TRAF3IP3: variants seen among roughly 807,000 people sequenced by gnomAD.
TRAF3IP3 encodes TRAF3-interacting JNK-activating modulator.
TRAF3IP3 carries 64 observed loss-of-function variants against 86.5 expected under a neutral mutation model. The ratio of observed to expected loss-of-function variants is 0.74; its 90% CI spans 0.60 to 0.91. TRAF3IP3 has a LOEUF of 0.91. Ranked by LOEUF, TRAF3IP3 falls within the 40% of genes least tolerant of loss-of-function variation. TRAF3IP3 has a pLI of 0.00. For missense variants in TRAF3IP3, 579 were observed against 642.9 expected (o/e 0.90, Z 1.07); for synonymous variants, 220 against 243.9 (o/e 0.90, Z 0.91).
chr1:209,776,668 T>TA (rs1392375605), intron 11 of TRAF3IP3: 2 of 149,734 alleles, frequency 1.3e-5, no homozygotes, highest in Admixed American at 6.7e-5. Context: ...AAAAAACTGA[T>TA]ACTGCCAGAA....
chr1:209,770,106 C>G (rs985569059), intron 8 of TRAF3IP3, among the ~76,000 whole-genome samples: 4 of 152,172 alleles, frequency 2.6e-5, no homozygotes, highest in African/African-American at 9.7e-5. Context: ...GCCTTGCTCC[C>G]CTCTCGCCCT....
chr1:209,772,759 G>A (rs1187569084), intron 8 of TRAF3IP3, among the ~76,000 whole-genome samples, 189 bp from the exon 9 acceptor site: 2 of 152,190 alleles, frequency 1.3e-5, no homozygotes, highest in Admixed American at 1.3e-4. Flanking sequence ...TCTTGTCCTA[G>A]TCCAGAGAAA....
intron 8 of TRAF3IP3, chr1:209,768,473 T>C: frequency 5.1e-6 from 5 of 985,554 alleles, no homozygotes; most frequent in Non-Finnish European, 6.0e-6. Flanking sequence ...ATCTGCGTCC[T>C]GGAATTAAGA....
intron 3 of TRAF3IP3, among the ~76,000 whole-genome samples, chr1:209,761,005 A>G (rs1158984007): frequency 6.6e-6 from 1 of 152,226 alleles, no homozygotes; most frequent in Non-Finnish European, 1.5e-5. Flanking sequence ...AATTTAGGCA[A>G]TATACACATG....
In TRAF3IP3 at chr1:209,773,126, A is replaced by C. The variant is rs2077581044; in HGVS notation, c.774+107A>C. The C allele has an allele frequency of 3.3e-5, 32 of 955,894 alleles. 1 individual carries two copies. The South Asian group carries it at 5.3e-4, about 16-fold the overall frequency. 59.2% of individuals were successfully genotyped at this position (955,894 alleles called of 1,614,324 possible). On this transcript the variant is annotated intron_variant, in intron 9 of 16. Coordinates refer to ENST00000367025, the MANE Select transcript of TRAF3IP3 (RefSeq NM_025228.4). ...GAGAAACACCACCAGATAGAGAATA[A>C]CACACCCATTCCTACTTACCCATTT...
chr1:209,757,224 G>GC (rs1292409028), intron 1 of TRAF3IP3, among the ~76,000 whole-genome samples: 5 of 152,226 alleles, frequency 3.3e-5, no homozygotes, highest in Non-Finnish European at 7.3e-5. Flanking sequence ...CTCCATGTCT[G>GC]CCCCAAGGAA....
rs2077224364 is a variant in TRAF3IP3 at position 209,760,328 on chromosome 1, A to G, written c.289A>G (p.Thr97Ala). ...QGPSRRPGQVTVLKEPLSCAR... is the reference protein window; with the variant it reads ...QGPSRRPGQVAVLKEPLSCAR... ...GCCCTCCAGGCGGCCAGGACAGGTG[A>G]CTGTCCTCAAGGAACCCTTGTCTTG... is the stretch of plus-strand genomic sequence containing the variant. Residue 97 changes from threonine (T) to alanine (A), a missense_variant, in exon 3 of 17, where the codon ACT becomes GCT. Transcript: ENST00000367025. The G allele has an allele frequency of 1.9e-6, 3 of 1,613,490 alleles. No homozygotes were observed. Among genetic ancestry groups the G allele is most frequent in the Non-Finnish European group, 1.7e-6 (2 of 1,179,794 alleles).
intron 9 of TRAF3IP3, 161 bp from the exon 10 acceptor site, chr1:209,775,188 G>A (rs1180686505): frequency 1.5e-6 from 1 of 678,972 alleles, no homozygotes; most frequent in African/African-American, 1.8e-5. Context: ...CATTGCCTGA[G>A]GGACTCTTCT....
intron 13 of TRAF3IP3, 36 bp downstream of exon 13, chr1:209,778,209 G>T (rs372820010): frequency 1.9e-6 from 3 of 1,598,340 alleles, no homozygotes; most frequent in Admixed American, 1.7e-5. Context: ...AGTCCACAGG[G>T]TTTTCCTGGG....
chr1:209,768,629 A>G (rs1373822248), intron 8 of TRAF3IP3: 13 of 985,862 alleles, frequency 1.3e-5, no homozygotes, highest in Non-Finnish European at 1.6e-5. Context: ...ACCACGCAGA[A>G]GCAGGAGCTG....
chr1:209,758,038 A>G (rs2102422084), intron 1 of TRAF3IP3, among the ~76,000 whole-genome samples: 1 of 152,344 alleles, frequency 6.6e-6, no homozygotes, highest in South Asian at 2.1e-4. Context: ...CCATGGCAGA[A>G]TAGCCAGGGG....
At chr1:209,770,742 TG>T (rs1306981760) in intron 8 of TRAF3IP3, among the ~76,000 whole-genome samples, 1 of 131,688 alleles carries the variant, frequency 7.6e-6, no homozygotes, top group Non-Finnish European at 1.6e-5. Flanking sequence ...CAGGTGGAGG[TG>T]TGCGTGTGCA....
chr1:209,757,790 G>C (rs2077179988), intron 1 of TRAF3IP3, among the ~76,000 whole-genome samples: 1 of 152,214 alleles, frequency 6.6e-6, no homozygotes, highest in African/African-American at 2.4e-5. Flanking sequence ...AATACTTTAT[G>C]TCTTTATTAT....
In TRAF3IP3 at chr1:209,781,978, GGAA is replaced by G. The variant is rs1355567993; in HGVS notation, c.1564-71_1564-69del. ...CAGCGTTTTCCACTGGGCTAGAGTA[GGAA>G]GAAGAAAGATTTTTGCCTATATCTT... On this transcript the variant is annotated intron_variant, in intron 16 of 16. Transcript: ENST00000367025. 8.2e-6 allele frequency: 10 copies of G among 1,219,894 alleles called. No homozygotes were observed. The East Asian group carries it at 1.6e-4, about 20-fold the overall frequency. 75.6% of individuals were successfully genotyped at this position (1,219,894 alleles called of 1,614,324 possible).
In TRAF3IP3 at chr1:209,756,130, G is replaced by A. The variant is rs1463079296; in HGVS notation, c.-339G>A. The stretch of plus-strand genomic sequence containing the variant: ...TTTGTCTGTTTCCTGTTTCAGCAAG[G>A]CTGCTGTGCAAAAAGAAAGACGGTA... On this transcript the variant is annotated 5_prime_UTR_variant, in exon 1 of 17. Coordinates refer to ENST00000367025, the MANE Select transcript of TRAF3IP3 (RefSeq NM_025228.4). 1.3e-5 allele frequency: 2 copies of A among 152,418 alleles called. No homozygotes were observed. Among genetic ancestry groups the A allele is most frequent in the Non-Finnish European group, 2.9e-5 (2 of 68,214 alleles). 9.4% of individuals were successfully genotyped at this position (152,418 alleles called of 1,614,324 possible).
chr1:209,757,982 G>A (rs1174333596), intron 1 of TRAF3IP3, among the ~76,000 whole-genome samples: 2 of 152,184 alleles, frequency 1.3e-5, no homozygotes. Context: ...GCCAGGACAT[G>A]AGTCCACGCA....
chr1:209,767,005 T>C (rs190759887), intron 8 of TRAF3IP3, among the ~76,000 whole-genome samples: 79 of 152,292 alleles, frequency 5.2e-4, no homozygotes, highest in African/African-American at 1.7e-3. Flanking sequence ...ATTGGAATGA[T>C]TACAGGCCTA....
chr1:209,756,771 G>A (rs968169414), intron 1 of TRAF3IP3, among the ~76,000 whole-genome samples: 3 of 152,220 alleles, frequency 2.0e-5, no homozygotes, highest in Non-Finnish European at 4.4e-5. Flanking sequence ...AACATGGCCA[G>A]GAAGTAAAAG....
At chr1:209,780,665 A>C in intron 15 of TRAF3IP3, 59 bp downstream of exon 15, 18 of 1,427,470 alleles carry the variant, frequency 1.3e-5, no homozygotes, top group Non-Finnish European at 1.6e-5. Context: ...GAAACCTGGG[A>C]GGCAGTCAAA....
Sources: gnomAD v4.1 joint callset for allele counts (sites outside exome capture counted in the v4.1 genomes callset) on GRCh38, gnomAD v4.1.1 for gene constraint, MANE v1.5 for transcripts, NCBI Gene and HGNC (gene_info 2026-07-23, HGNC 2026-07-21) for gene names.